Variants in JAZF1 observed in about 807,000 individuals in gnomAD.
JAZF1 encodes JAZF zinc finger 1, also known as juxtaposed with another zinc finger protein 1.
In JAZF1, 8 loss-of-function variants were observed where a neutral mutation model predicts 26.4. That is an observed-to-expected ratio of 0.30 (90% CI 0.18 to 0.55). The LOEUF (loss-of-function observed/expected upper bound fraction) is 0.55. Among genes scored for constraint, JAZF1 ranks in the 20% least tolerant of loss-of-function variants. The pLI is 0.94. For missense variants in JAZF1, 199 were observed against 322.0 expected (o/e 0.62, Z 2.92); for synonymous variants, 126 against 122.3 (o/e 1.03, Z -0.20).
chr7:28,067,538 G>C (rs947588742), intron 1 of JAZF1, among the ~76,000 whole-genome samples: 4 of 152,172 alleles, frequency 2.6e-5, no homozygotes, highest in Non-Finnish European at 5.9e-5. Flanking sequence ...GCTACACCAG[G>C]CTTTAGGTAA....
intron 1 of JAZF1, among the ~76,000 whole-genome samples, chr7:28,071,386 T>G (rs1420897916): frequency 6.6e-6 from 1 of 152,234 alleles, no homozygotes; most frequent in Non-Finnish European, 1.5e-5. Flanking sequence ...GTCTACAGTT[T>G]AGTGGCTAAA....
At chr7:27,874,715 C>CTTG (rs3073731) in intron 3 of JAZF1, among the ~76,000 whole-genome samples, 33 of 152,294 alleles carry the variant, frequency 2.2e-4, no homozygotes, top group Non-Finnish European at 2.8e-4. Flanking sequence ...AACCTTTAAT[C>CTTG]GAGATCCTTA....
chr7:28,014,939 G>C (rs1583509763), intron 1 of JAZF1, among the ~76,000 whole-genome samples: 1 of 152,238 alleles, frequency 6.6e-6, no homozygotes, highest in East Asian at 1.9e-4. Context: ...GAGAGCAGTG[G>C]TTTAAAGTGC....
intron 1 of JAZF1, among the ~76,000 whole-genome samples, chr7:27,997,107 G>A (rs1786032658): frequency 1.3e-5 from 2 of 152,182 alleles, no homozygotes; most frequent in South Asian, 4.1e-4. Context: ...AAGACCTAGA[G>A]TAGATACAGT....
At chr7:28,083,843 T>G (rs1784174691) in intron 1 of JAZF1, among the ~76,000 whole-genome samples, 1 of 151,842 alleles carries the variant, frequency 6.6e-6, no homozygotes, top group Non-Finnish European at 1.5e-5. Flanking sequence ...TGCAACATTG[T>G]CTTACCCAAT....
At chr7:27,841,868 T>TTA (rs1782931020) in intron 3 of JAZF1, 1 of 152,152 alleles carries the variant, frequency 6.6e-6, no homozygotes, top group African/African-American at 2.4e-5. Flanking sequence ...CAAGTCCTAA[T>TTA]GCATTTACAA....
chr7:28,088,809 G>C (rs1784248748), intron 1 of JAZF1, among the ~76,000 whole-genome samples: 2 of 152,180 alleles, frequency 1.3e-5, no homozygotes, highest in Non-Finnish European at 2.9e-5. Flanking sequence ...GTTTTAAGCA[G>C]GGATGGATGT....
intron 1 of JAZF1, among the ~76,000 whole-genome samples, chr7:28,024,306 CAA>C (rs924346794): frequency 3.3e-5 from 5 of 150,030 alleles, no homozygotes; most frequent in Admixed American, 6.6e-5. Flanking sequence ...AAAAGAAAAA[CAA>C]AGAGAGAGAG....
chr7:27,987,343 C>T (rs1187506902), intron 2 of JAZF1, among the ~76,000 whole-genome samples: 5 of 151,374 alleles, frequency 3.3e-5, no homozygotes, highest in African/African-American at 9.7e-5. Flanking sequence ...TCTGCCCGAC[C>T]GCCACCCCAT....
At chr7:28,081,752 T>C (rs1386150998) in intron 1 of JAZF1, among the ~76,000 whole-genome samples, 1 of 152,214 alleles carries the variant, frequency 6.6e-6, no homozygotes, top group African/African-American at 2.4e-5. Context: ...TGGGTCAATC[T>C]GCATTTATAT....
At chr7:27,853,574 G>C (rs1783190987) in intron 3 of JAZF1, among the ~76,000 whole-genome samples, 1 of 152,208 alleles carries the variant, frequency 6.6e-6, no homozygotes, top group African/African-American at 2.4e-5. Flanking sequence ...GTTAGAAAAT[G>C]AGTGGATACT....
At chr7:27,957,661 C>A (rs1299007648) in intron 2 of JAZF1, among the ~76,000 whole-genome samples, 1 of 152,154 alleles carries the variant, frequency 6.6e-6, no homozygotes, top group African/African-American at 2.4e-5. Flanking sequence ...CTTGCAAATG[C>A]CCCTGCTCCA....
chr7:28,032,005 G>C (rs778704001), intron 1 of JAZF1, among the ~76,000 whole-genome samples: 2 of 152,196 alleles, frequency 1.3e-5, no homozygotes, highest in Non-Finnish European at 2.9e-5. Flanking sequence ...TTCTTTCTGC[G>C]TGTGGGAGGC....
At chr7:27,957,504 T>C (rs1213921560) in intron 2 of JAZF1, among the ~76,000 whole-genome samples, 2 of 152,140 alleles carry the variant, frequency 1.3e-5, no homozygotes, top group Non-Finnish European at 2.9e-5. Flanking sequence ...TACAGATGTA[T>C]AAGAAAGTGG....
chr7:28,011,404 A>G (rs1029385446), intron 1 of JAZF1, among the ~76,000 whole-genome samples: 2 of 118,504 alleles, frequency 1.7e-5, no homozygotes, highest in Non-Finnish European at 4.1e-5. Flanking sequence ...AGGTAGTGAT[A>G]ACAAGGAGAC....
chr7:28,150,473 C>T (rs1302539014), intron 1 of JAZF1, among the ~76,000 whole-genome samples: 1 of 152,226 alleles, frequency 6.6e-6, no homozygotes, highest in Non-Finnish European at 1.5e-5. Context: ...CATCAAAAGG[C>T]ATCACCTTCG....
At chr7:27,854,642 G>T (rs1783210993) in intron 3 of JAZF1, among the ~76,000 whole-genome samples, 2 of 152,184 alleles carry the variant, frequency 1.3e-5, no homozygotes, top group African/African-American at 4.8e-5. Flanking sequence ...TAGTTTGGCT[G>T]GATATGAAAT....
chr7:27,949,292 C>G (rs1435944609), intron 2 of JAZF1, among the ~76,000 whole-genome samples: 1 of 152,210 alleles, frequency 6.6e-6, no homozygotes, highest in Non-Finnish European at 1.5e-5. Context: ...GTTCCTTGGG[C>G]TCCCCGTTTG....
At chr7:27,907,737 AGAG>A (rs768220916) in intron 2 of JAZF1, among the ~76,000 whole-genome samples, 1 of 152,192 alleles carries the variant, frequency 6.6e-6, no homozygotes, top group African/African-American at 2.4e-5. Flanking sequence ...TCTCAATGTG[AGAG>A]GAGGTCTCAA....
Sources: gnomAD v4.1 joint callset for allele counts (sites outside exome capture counted in the v4.1 genomes callset) on GRCh38, gnomAD v4.1.1 for gene constraint, MANE v1.5 for transcripts, NCBI Gene and HGNC (gene_info 2026-07-23, HGNC 2026-07-21) for gene names.